The following CCDC88C variants were observed in gnomAD, a reference collection of about 807,000 sequenced individuals.
CCDC88C encodes coiled-coil and HOOK domain protein 88C, also known as protein Daple.
Under a neutral mutation model 198.8 loss-of-function variants are expected in CCDC88C, and 131 were observed. The observed-to-expected ratio is 0.66, with a 90% CI of 0.57 to 0.76. The LOEUF (loss-of-function observed/expected upper bound fraction) is 0.76. CCDC88C is among the 30% of genes least tolerant of loss of function. The pLI, the probability that CCDC88C is intolerant of heterozygous loss-of-function variation, is 0.00. For missense variants in CCDC88C, 2,553 were observed against 2,631.6 expected, an observed-to-expected ratio of 0.97 and a Z score of 0.65; for synonymous variants, 1,166 against 1,114.7, an observed-to-expected ratio of 1.05 and a Z score of -0.92.
In CCDC88C at chr14:91,300,001, C is replaced by G. The variant is rs1358193161; in HGVS notation, c.3705G>C (p.Glu1235Asp). ...EREKVLTTEREALQQEQRTNA... is the reference protein window; with the variant it reads ...EREKVLTTERDALQQEQRTNA... ...TTGTCCTCTGCTCCTGCTGCAGCGC[C>G]TCTCGCTCAGTGGTCAAGACCTTCT... The change falls in exon 21 of 30, where the codon GAG (glutamate) becomes GAC (aspartate). Residue 1235 changes from glutamate to aspartate, a missense_variant. Physicochemically the swap from Glu to Asp is conservative, Grantham distance 45. Transcript: ENST00000389857. 3.8e-5 allele frequency: 61 copies of G among 1,599,966 alleles called. No homozygotes were observed. Among genetic ancestry groups the G allele is most frequent in the Non-Finnish European group, 5.0e-5 (59 of 1,173,812 alleles).
intron 20 of CCDC88C, among the ~76,000 whole-genome samples, chr14:91,302,243 G>C (rs187549958): frequency 1.3e-5 from 2 of 152,174 alleles, no homozygotes; most frequent in African/African-American, 4.8e-5. Flanking sequence ...AAGAACCAAC[G>C]ATCACTTAGC....
At chr14:91,402,770 G>A (rs1415424076) in intron 3 of CCDC88C, among the ~76,000 whole-genome samples, 2 of 152,198 alleles carry the variant, frequency 1.3e-5, no homozygotes, top group African/African-American at 2.4e-5. Context: ...TATTTTGAAC[G>A]ACAGGTATGT....
At chr14:91,382,898 C>T (rs1024063128) in intron 3 of CCDC88C, among the ~76,000 whole-genome samples, 12 of 152,164 alleles carry the variant, frequency 7.9e-5, no homozygotes, top group African/African-American at 1.4e-4. Context: ...TCACAGGCCC[C>T]GGAAATCTGA....
intron 3 of CCDC88C, among the ~76,000 whole-genome samples, chr14:91,404,654 G>A (rs994525931): frequency 2.0e-5 from 3 of 152,150 alleles, no homozygotes; most frequent in African/African-American, 7.2e-5. Context: ...TCAAGAAGCT[G>A]GGAAATTTTT....
chr14:91,342,941 G>A (rs1039420218), intron 5 of CCDC88C, among the ~76,000 whole-genome samples: 1 of 152,194 alleles, frequency 6.6e-6, no homozygotes, highest in African/African-American at 2.4e-5. Flanking sequence ...ATGTAAAGGT[G>A]GGCATGAGGC....
In CCDC88C at chr14:91,338,217, G is replaced by C; in HGVS notation, c.892-54C>G. The stretch of plus-strand genomic sequence containing the variant: ...TAGCTTAGGGCATCCTCTAGGAAGG[G>C]CAGAAAGGCCATTGCCCTTCTGCAT... On this transcript the variant is annotated intron_variant, in intron 9 of 29. Transcript: ENST00000389857. This position sits in a 1 kb window ranked among gnomAD's most constrained non-coding sequence, Gnocchi z 4.8. 6.3e-7 allele frequency: 1 copy of C among 1,593,050 alleles called. No homozygotes were observed. The highest frequency in any genetic ancestry group is 8.6e-7 in the Non-Finnish European group (1 of 1,166,260).
chr14:91,345,682 T>C (rs139290723), intron 4 of CCDC88C, among the ~76,000 whole-genome samples: 138 of 152,270 alleles, frequency 9.1e-4, no homozygotes, highest in African/African-American at 3.2e-3. Flanking sequence ...TTCCCAACTT[T>C]GTCAATCAGG....
chr14:91,408,493 C>T, intron 3 of CCDC88C, 166 bp downstream of exon 3: 2 of 625,732 alleles, frequency 3.2e-6, no homozygotes, highest in Non-Finnish European at 5.9e-6. Context: ...ACCATCTCAT[C>T]CTCACACATG....
At chr14:91,312,786 T>C (rs1325254471) in intron 15 of CCDC88C, among the ~76,000 whole-genome samples, 1 of 149,128 alleles carries the variant, frequency 6.7e-6, no homozygotes, top group Non-Finnish European at 1.5e-5. Context: ...ACATAATTAA[T>C]AAAAACCACA....
At chr14:91,401,825 T>C (rs1162375612) in intron 3 of CCDC88C, among the ~76,000 whole-genome samples, 3 of 152,200 alleles carry the variant, frequency 2.0e-5, no homozygotes, top group Non-Finnish European at 4.4e-5. Context: ...CAGTAGCCAT[T>C]GCCTGAGTGG....
rs771355988 is a variant in CCDC88C, at chr14:91,273,205, C to A, written c.5507G>T (p.Gly1836Val). 1 of 1,570,166 alleles carries A rather than the reference C, an allele frequency of 6.4e-7. No homozygotes were observed. Residue 1836 changes from glycine (G) to valine (V), a missense_variant, in exon 30 of 30, where the codon GGG becomes GTG. By Grantham distance (109) the Gly-to-Val change is moderately radical. Around this residue, in one of 2 missense-constraint regions of CCDC88C, gnomAD observed 1,293 missense variants for 1,219.6 expected, o/e 1.06. Transcript: ENST00000389857. The surrounding 1 kb of genome is among the most constrained non-coding windows in gnomAD (Gnocchi z 5.6). The part of the protein sequence containing the change: ...PQKLGAPEAL[G>V]GRETGSHTLQ... ...GGTGTGGCTGCCTGTCTCTCTGCCCCCTAAGGCCTCAGGAGCCCCCAGCTT... is the reference window on the plus strand; with the variant it reads ...GGTGTGGCTGCCTGTCTCTCTGCCCACTAAGGCCTCAGGAGCCCCCAGCTT...
At position 91,291,018 on chromosome 14, in the gene CCDC88C, CT is replaced by C. The variant is rs1437311631; in HGVS notation, c.4178del (p.Lys1393SerfsTer19). The C allele has an allele frequency of 6.3e-7, 1 of 1,589,512 alleles. No individual in the cohort carries two copies. Among genetic ancestry groups the C allele is most frequent in the East Asian group, 2.2e-5 (1 of 44,614 alleles). ...KLEEKIMDQY[K>X]FYDPPPKKKN... ...ACTTCTTTGGAGGAGGATCATAGAA[CT>C]TGTATTGATCCATGATTTTTTCTTC... On this transcript the variant is annotated frameshift_variant, in exon 24 of 30. Coordinates refer to ENST00000389857, the MANE Select transcript of CCDC88C (RefSeq NM_001080414.4). LOFTEE classifies it high-confidence loss of function.
rs116571924 is a variant in CCDC88C at position 91,303,917 on chromosome 14, T to C, written c.3419A>G (p.Gln1140Arg). ...AALTAQYTLL[Q>R]NHHTAKETEN... ...CGTCTCCTTGGCCGTGTGGTGGTTC[T>C]GCAGCAGCGTGTACTGCGCGGTGAG... The change falls in exon 20 of 30, where the codon CAG becomes CGG. Residue 1140 changes from glutamine to arginine, a missense_variant. Gln to Arg is a conservative substitution (Grantham distance 43). Coordinates refer to ENST00000389857, the MANE Select transcript of CCDC88C (RefSeq NM_001080414.4). 1,570 of 1,612,192 alleles carry C rather than the reference T, an allele frequency of 9.7e-4. 13 individuals are homozygous for C. The African/African-American group carries it at 0.018, about 19-fold the overall frequency.
At chr14:91,388,665 A>G (rs1270682445) in intron 3 of CCDC88C, among the ~76,000 whole-genome samples, 1 of 152,228 alleles carries the variant, frequency 6.6e-6, no homozygotes, top group Non-Finnish European at 1.5e-5. Context: ...CTCGCAAAAC[A>G]GAGAATGACT....
At chr14:91,344,288 A>G (rs1893426845) in intron 4 of CCDC88C, among the ~76,000 whole-genome samples, 1 of 152,186 alleles carries the variant, frequency 6.6e-6, no homozygotes, top group Non-Finnish European at 1.5e-5. Context: ...CTCCCACAGG[A>G]AATACTGAGT....
intron 3 of CCDC88C, among the ~76,000 whole-genome samples, chr14:91,380,038 CA>C (rs948026649): frequency 3.3e-5 from 5 of 152,180 alleles, no homozygotes; most frequent in African/African-American, 1.2e-4. Context: ...TTTCTCCTTA[CA>C]GGGGTGTCTC....
Position 91,339,873 on chromosome 14 carries a change from C to A in CCDC88C, c.624+11G>T. 1.3e-6 allele frequency: 2 copies of A among 1,574,722 alleles called. No individual in the cohort carries two copies. Among genetic ancestry groups the A allele is most frequent in the East Asian group, 2.4e-5 (1 of 42,386 alleles). ...TCCCAGGCTGACCGGGCCACCGACCCGCGGACGCACCTCGGTGCACTCGTC... is the reference window on the plus strand; with the variant it reads ...TCCCAGGCTGACCGGGCCACCGACCAGCGGACGCACCTCGGTGCACTCGTC... On this transcript the variant is annotated intron_variant, in intron 7 of 29. Coordinates refer to ENST00000389857, the MANE Select transcript of CCDC88C (RefSeq NM_001080414.4). The surrounding 1 kb of genome is among the most constrained non-coding windows in gnomAD (Gnocchi z 5.8).
In CCDC88C at chr14:91,303,804, G is replaced by A. The variant is rs1407341409; in HGVS notation, c.3532C>T (p.His1178Tyr). 1.9e-6 allele frequency: 3 copies of A among 1,613,256 alleles called. No homozygotes were observed. The highest frequency in any genetic ancestry group is 2.7e-5 in the African/African-American group (2 of 74,946). The change falls in exon 20 of 30, where the codon CAC (histidine) becomes TAC (tyrosine). Residue 1178 changes from histidine (H) to tyrosine (Y), a missense_variant. Transcript: ENST00000389857. The stretch of plus-strand genomic sequence containing the variant: ...TCGTACTCGGCCGATTGCCGCTCGT[G>A]CAGCGTGCCCAGGTGCTCGTGGTCC... ...LQDHEHLGTL[H>Y]ERQSAEYEAL...
chr14:91,361,423 G>A (rs145295929), intron 3 of CCDC88C, among the ~76,000 whole-genome samples: 15 of 152,276 alleles, frequency 9.9e-5, no homozygotes, highest in African/African-American at 2.4e-4. Flanking sequence ...AGATTAGAAC[G>A]GGGGCCGAGG....
Sources: allele counts gnomAD v4.1 joint callset (sites outside exome capture counted in the v4.1 genomes callset), GRCh38; gene constraint gnomAD v4.1.1; regional missense constraint gnomAD v4.1.1; non-coding constraint Gnocchi (gnomAD v3.1); transcripts MANE v1.5; gene names NCBI Gene and HGNC (gene_info 2026-07-23, HGNC 2026-07-21).